The following POU6F2 variants were observed in gnomAD, a reference collection of about 807,000 sequenced individuals.
The protein encoded by POU6F2 is POU class 6 homeobox 2.
POU6F2 carries 31 observed loss-of-function variants against 71.3 expected under a neutral mutation model. That is an observed-to-expected ratio of 0.43 (90% CI 0.33 to 0.59). The LOEUF is 0.59. POU6F2 is among the 20% of genes least tolerant of loss of function. The pLI, the probability that POU6F2 is intolerant of heterozygous loss-of-function variation, is 0.04. For missense variants in POU6F2, 783 were observed against 856.8 expected, an observed-to-expected ratio of 0.91 and a Z score of 1.07; for synonymous variants, 347 against 355.7, an observed-to-expected ratio of 0.98 and a Z score of 0.27.
At chr7:39,303,302 C>T (rs140555360) in intron 4 of POU6F2, among the ~76,000 whole-genome samples, 1 of 152,120 alleles carries the variant, frequency 6.6e-6, no homozygotes, top group Non-Finnish European at 1.5e-5. Context: ...CACCCTCCGC[C>T]GCGCCTGGCT....
intron 2 of POU6F2, among the ~76,000 whole-genome samples, chr7:39,159,836 A>G (rs1485551410): frequency 6.6e-6 from 1 of 152,212 alleles, no homozygotes; most frequent in Non-Finnish European, 1.5e-5. Context: ...GAAAAAAAGG[A>G]GAAGGGAAGT....
intron 4 of POU6F2, among the ~76,000 whole-genome samples, chr7:39,307,859 G>A (rs1421491424): frequency 6.6e-6 from 1 of 151,954 alleles, no homozygotes; most frequent in Non-Finnish European, 1.5e-5. Flanking sequence ...AGAGGCTGAG[G>A]CAGGAGAATC....
At chr7:39,374,888 AG>A in intron 5 of POU6F2, among the ~76,000 whole-genome samples, 1 of 152,364 alleles carries the variant, frequency 6.6e-6, no homozygotes, top group Non-Finnish European at 1.5e-5. Flanking sequence ...TTAGGTTCAC[AG>A]GGAAGTGGAA....
At position 39,292,371 on chromosome 7, in the gene POU6F2, T is replaced by C. The variant is rs372437930; in HGVS notation, c.599-47271T>C. On this transcript the variant is annotated intron_variant, in intron 4 of 9. Transcript: ENST00000518318. ...GTGAAGGGTTTTGGTGCCATCATTA[T>C]GGGAAAGAAAGGGCAGGGAGTCCTG... Among the ~76,000 whole-genome samples, 6 of 152,206 alleles carry C rather than the reference T, an allele frequency of 3.9e-5. No individual in the cohort carries two copies. In the East Asian group the frequency reaches 1.2e-3, roughly 29 times the overall value.
chr7:39,206,274 G>A (rs752806899), intron 3 of POU6F2, among the ~76,000 whole-genome samples: 8 of 152,266 alleles, frequency 5.3e-5, no homozygotes, highest in Non-Finnish European at 1.0e-4. Flanking sequence ...TGGTCATCTG[G>A]CTTGACCAGG....
At chr7:39,307,273 G>A (rs997688713) in intron 4 of POU6F2, among the ~76,000 whole-genome samples, 8 of 151,852 alleles carry the variant, frequency 5.3e-5, no homozygotes, top group South Asian at 2.1e-4. Context: ...TATAATTTTC[G>A]GAACTCTCTT....
At chr7:39,352,576 C>G (rs1786159360) in intron 5 of POU6F2, among the ~76,000 whole-genome samples, 1 of 152,172 alleles carries the variant, frequency 6.6e-6, no homozygotes, top group Non-Finnish European at 1.5e-5. Flanking sequence ...TCCTTAACCT[C>G]TTAAGGGGGC....
chr7:39,394,706 CT>C (rs1280271257), intron 5 of POU6F2, among the ~76,000 whole-genome samples: 2 of 152,220 alleles, frequency 1.3e-5, no homozygotes, highest in Admixed American at 6.5e-5. Context: ...TCTTTCCCAT[CT>C]GCTCAATTGG....
At chr7:39,127,836 A>ATTTTTTTTT (rs70977460) in intron 2 of POU6F2, among the ~76,000 whole-genome samples, 1 of 104,174 alleles carries the variant, frequency 9.6e-6, no homozygotes, top group Non-Finnish European at 1.9e-5. Flanking sequence ...AGCCAGTGGA[A>ATTTTTTTTT]TTTTTTTTTT....
At chr7:39,391,847 T>C (rs1167631620) in intron 5 of POU6F2, among the ~76,000 whole-genome samples, 1 of 149,518 alleles carries the variant, frequency 6.7e-6, no homozygotes, top group Non-Finnish European at 1.5e-5. Flanking sequence ...AAATCTATTA[T>C]AGATTTAAAG....
chr7:39,105,353 G>A (rs1047620076), intron 2 of POU6F2, among the ~76,000 whole-genome samples: 10 of 151,882 alleles, frequency 6.6e-5, no homozygotes, highest in African/African-American at 2.4e-4. Context: ...TTATTTATAA[G>A]AAGATCATCT....
At chr7:39,147,239 A>G (rs183986183) in intron 2 of POU6F2, among the ~76,000 whole-genome samples, 1 of 152,184 alleles carries the variant, frequency 6.6e-6, no homozygotes, top group Non-Finnish European at 1.5e-5. Flanking sequence ...TGTTTGCCAC[A>G]CTTTTAATGG....
intron 4 of POU6F2, among the ~76,000 whole-genome samples, chr7:39,313,742 G>A (rs569668419): frequency 5.6e-4 from 86 of 152,232 alleles, no homozygotes; most frequent in African/African-American, 1.9e-3. Context: ...AAATATATTA[G>A]AAGAAATGTC....
chr7:39,049,000 T>A (rs1019395362), intron 1 of POU6F2, among the ~76,000 whole-genome samples: 1 of 152,010 alleles, frequency 6.6e-6, no homozygotes, highest in Non-Finnish European at 1.5e-5. Flanking sequence ...AAAAAGTTGT[T>A]AATGTCCCTT....
chr7:39,044,719 A>T (rs2128712639), intron 1 of POU6F2, among the ~76,000 whole-genome samples: 1 of 152,146 alleles, frequency 6.6e-6, no homozygotes, highest in African/African-American at 2.4e-5. Context: ...TTGCTGACAG[A>T]GCCCATGAAT....
chr7:39,266,392 TC>T, intron 4 of POU6F2, among the ~76,000 whole-genome samples: 1 of 152,204 alleles, frequency 6.6e-6, no homozygotes, highest in African/African-American at 2.4e-5. Flanking sequence ...TAAGCCAATT[TC>T]CCCAGGAAAT....
intron 5 of POU6F2, among the ~76,000 whole-genome samples, chr7:39,350,002 G>T (rs2115664632): frequency 6.6e-6 from 1 of 152,286 alleles, no homozygotes; most frequent in Middle Eastern, 3.4e-3. Context: ...GTGGAGGGGT[G>T]CCCTGCGTTT....
At chr7:39,364,575 G>A (rs1459418146) in intron 5 of POU6F2, among the ~76,000 whole-genome samples, 4 of 152,070 alleles carry the variant, frequency 2.6e-5, no homozygotes, top group Non-Finnish European at 5.9e-5. Flanking sequence ...TTTCATCCAG[G>A]TCACTGCAAA....
intron 1 of POU6F2, among the ~76,000 whole-genome samples, chr7:39,009,031 T>C (rs1789179743): frequency 6.6e-6 from 1 of 152,218 alleles, no homozygotes; most frequent in Non-Finnish European, 1.5e-5. Context: ...CATATGAACT[T>C]TAAAGTCGTT....
Sources: gnomAD v4.1 joint callset for allele counts (sites outside exome capture counted in the v4.1 genomes callset) on GRCh38, gnomAD v4.1.1 for gene constraint, MANE v1.5 for transcripts, NCBI Gene and HGNC (gene_info 2026-07-23, HGNC 2026-07-21) for gene names.